TRABD: variants seen among roughly 807,000 people sequenced by gnomAD.
The protein encoded by TRABD is traB domain-containing protein.
In TRABD, 23 loss-of-function variants were observed where a neutral mutation model predicts 39.6. The ratio of observed to expected loss-of-function variants is 0.58; its 90% CI spans 0.42 to 0.82. The LOEUF (loss-of-function observed/expected upper bound fraction) is 0.82. Ranked by LOEUF, TRABD falls within the 40% of genes least tolerant of loss-of-function variation. TRABD has a pLI of 0.00. For missense variants in TRABD, 487 were observed against 544.9 expected, an observed-to-expected ratio of 0.89 and a Z score of 1.06; for synonymous variants, 243 against 232.1, an observed-to-expected ratio of 1.05 and a Z score of -0.43.
At position 50,199,424 on chromosome 22, in the gene TRABD, T is replaced by A; in HGVS notation, c.*905T>A. 3.1e-6 allele frequency: 1 copy of A among 323,234 alleles called. No homozygotes were observed. Among genetic ancestry groups the A allele is most frequent in the Non-Finnish European group, 5.7e-6 (1 of 174,792 alleles). The allele number at this position is 323,234 out of a possible 1,614,324, so 20.0% of individuals were successfully genotyped here. The stretch of plus-strand genomic sequence containing the variant: ...CTGTGTGCGGGGCCTCCCTCCTGGC[T>A]GTCCAGGACACAGCCCGTGCAGCCC... On this transcript the variant is annotated 3_prime_UTR_variant, in exon 10 of 10. Coordinates refer to ENST00000380909, the MANE Select transcript of TRABD (RefSeq NM_001320485.2).
In TRABD at chr22:50,197,971, C is replaced by G. The variant is rs1291463415; in HGVS notation, c.820C>G (p.Leu274Val). ...CATGCTGCGCCAGGCCGCGCGGCGCCTCGAGCTGCCTCGGGCCTCTGACGG... is the reference window on the plus strand; with the variant it reads ...CATGCTGCGCCAGGCCGCGCGGCGCGTCGAGCTGCCTCGGGCCTCTGACGG... ...TYMLRQAARR[L>V]ELPRASDAEP... The change falls in exon 8 of 10, where the codon CTC becomes GTC. Residue 274 changes from leucine (L) to valine (V), a missense_variant. By Grantham distance (32) the Leu-to-Val change is conservative (BLOSUM62 1). Coordinates refer to ENST00000380909, the MANE Select transcript of TRABD (RefSeq NM_001320485.2). The G allele has an allele frequency of 6.2e-7, 1 of 1,612,426 alleles. No homozygotes were observed. Among genetic ancestry groups the G allele is most frequent in the Non-Finnish European group, 8.5e-7 (1 of 1,179,758 alleles).
rs146656338 is a variant in TRABD at position 50,198,471 on chromosome 22, C to G, written c.1083C>G (p.Pro361=). The change falls in exon 10 of 10, where the codon CCC becomes CCG. Residue 361 remains proline, a synonymous_variant. Transcript: ENST00000380909. This position sits in a 1 kb window ranked among gnomAD's most constrained non-coding sequence, Gnocchi z 7.9. Reference sequence around the variant, plus strand: ...CCGCGAGCCTGGTCCTGTCGCTGCCCGCCGCGCAGTACTGCCTGCAGAGGG... The same window carrying G: ...CCGCGAGCCTGGTCCTGTCGCTGCCGGCCGCGCAGTACTGCCTGCAGAGGG... The part of the protein sequence containing the change: ...RRTASLVLSL[P]AAQYCLQRVT... The G allele has an allele frequency of 6.3e-7, 1 of 1,595,046 alleles. No homozygotes were observed. The highest frequency in any genetic ancestry group is 8.5e-7 in the Non-Finnish European group (1 of 1,176,570).
Position 50,198,388 on chromosome 22 carries a change from G to T in TRABD, c.1000G>T (p.Val334Leu), listed in dbSNP as rs772136497. 19 of 1,592,486 alleles carry T rather than the reference G, an allele frequency of 1.2e-5. No individual in the cohort carries two copies. Among genetic ancestry groups the T allele is most frequent in the Non-Finnish European group, 1.6e-5 (19 of 1,175,146 alleles). ...SVSGRVSRLA[V>L]KAAFFGLLGY... Reference sequence around the variant, plus strand: ...CTCCGGCAGAGTGTCTCGGTTGGCCGTGAAGGCCGCCTTCTTCGGCCTGCT... The same window carrying T: ...CTCCGGCAGAGTGTCTCGGTTGGCCTTGAAGGCCGCCTTCTTCGGCCTGCT... The change falls in exon 10 of 10, where the codon GTG becomes TTG. Residue 334 changes from valine to leucine, a missense_variant. Physicochemically the swap from Val to Leu is conservative, Grantham distance 32. Around this residue, in one of 3 missense-constraint regions of TRABD, gnomAD observed 123 missense variants for 108.3 expected, o/e 1.14. Transcript: ENST00000380909. The surrounding 1 kb of genome is among the most constrained non-coding windows in gnomAD (Gnocchi z 7.9).
rs1245067199 is a variant in TRABD, at chr22:50,198,939, G to A, written c.*420G>A. ...GTCGGCCCAGGGGCGGCTCCTGGGG[G>A]CTCCAGGGCAGGCGAGACTGGGAAA... is the stretch of plus-strand genomic sequence containing the variant. On this transcript the variant is annotated 3_prime_UTR_variant, in exon 10 of 10. Coordinates refer to ENST00000380909, the MANE Select transcript of TRABD (RefSeq NM_001320485.2). This position sits in a 1 kb window ranked among gnomAD's most constrained non-coding sequence, Gnocchi z 7.9. 4 of 595,200 alleles carry A rather than the reference G, an allele frequency of 6.7e-6. No individual in the cohort carries two copies. The highest frequency in any genetic ancestry group is 9.2e-6 in the Non-Finnish European group (3 of 326,586). 36.9% of individuals were successfully genotyped at this position (595,200 alleles called of 1,614,324 possible).
intron 1 of TRABD, among the ~76,000 whole-genome samples, chr22:50,189,954 C>T (rs888209534): frequency 5.3e-5 from 8 of 152,168 alleles, no homozygotes; most frequent in African/African-American, 1.2e-4. Context: ...TTTTGCTCAC[C>T]GCCAGGCAGC....
chr22:50,194,811 C>T (rs1304404068), intron 4 of TRABD, 89 bp from the exon 5 acceptor site: 31 of 1,537,210 alleles, frequency 2.0e-5, no homozygotes, highest in South Asian at 2.5e-5. Context: ...GCTGGCTGCT[C>T]CTGGGATGGG....
chr22:50,191,499 C>A (rs1037139634), intron 1 of TRABD, among the ~76,000 whole-genome samples: 2 of 152,200 alleles, frequency 1.3e-5, no homozygotes, highest in African/African-American at 4.8e-5. Context: ...GACATAGCGT[C>A]TTATTGCTCA....
chr22:50,186,195 G>A (rs1207089282), intron 1 of TRABD, among the ~76,000 whole-genome samples: 1 of 146,826 alleles, frequency 6.8e-6, no homozygotes, highest in Non-Finnish European at 1.5e-5. Flanking sequence ...TTCAGGTTTT[G>A]GGGCCGGGGG....
At chr22:50,197,190 C>CGCGGGGG in intron 5 of TRABD, 51 bp from the exon 6 acceptor site, 2 of 1,549,322 alleles carry the variant, frequency 1.3e-6, no homozygotes, top group African/African-American at 1.4e-5. Context: ...ATTCCCCCAG[C>CGCGGGGG]GCACCCCCGC....
chr22:50,189,225 G>C (rs1003963812), intron 1 of TRABD, among the ~76,000 whole-genome samples: 1 of 152,102 alleles, frequency 6.6e-6, no homozygotes, highest in Non-Finnish European at 1.5e-5. Flanking sequence ...AGCCCAGAGA[G>C]GGCCTCCTGT....
rs770385224 is a variant in TRABD, at chr22:50,198,180, T to A, written c.950T>A (p.Ile317Asn). 1 of 1,609,460 alleles carries A rather than the reference T, an allele frequency of 6.2e-7. No individual in the cohort carries two copies. Among genetic ancestry groups the A allele is most frequent in the Non-Finnish European group, 8.5e-7 (1 of 1,178,418 alleles). ...AGCACCGACCTCAACATCCAGGAGA[T>A]CATGACGTGAGTGCCCGCCCCTCCC... ...NWSTDLNIQE[I>N]MTVPPPSVSG... Residue 317 changes from isoleucine to asparagine, a missense_variant, in exon 9 of 10, where the codon ATC becomes AAC. Coordinates refer to ENST00000380909, the MANE Select transcript of TRABD (RefSeq NM_001320485.2). The surrounding 1 kb of genome is among the most constrained non-coding windows in gnomAD (Gnocchi z 7.9).
Position 50,198,287 on chromosome 22 carries a change from G to T in TRABD, c.957-58G>T. On this transcript the variant is annotated intron_variant, in intron 9 of 9. Transcript: ENST00000380909. This position sits in a 1 kb window ranked among gnomAD's most constrained non-coding sequence, Gnocchi z 7.9. ...ACATGCGGCAGTGACCCAGGCATGG[G>T]GGCTGGGGTATGGGGAGCCCACCCC... 3 of 1,514,308 alleles carry T rather than the reference G, an allele frequency of 2.0e-6. No individual in the cohort carries two copies. The African/African-American group carries it at 4.1e-5, about 21-fold the overall frequency. 93.8% of individuals were successfully genotyped at this position (1,514,308 alleles called of 1,614,324 possible).
chr22:50,197,212 C>T (rs762299398), intron 5 of TRABD, 29 bp from the exon 6 acceptor site: 3 of 1,606,298 alleles, frequency 1.9e-6, no homozygotes, highest in Non-Finnish European at 2.6e-6. Flanking sequence ...CCCGCCCCTC[C>T]AGCTGATGCC....
In TRABD at chr22:50,197,605, G is replaced by A; in HGVS notation, c.671+17G>A. 6.2e-7 allele frequency: 1 copy of A among 1,611,246 alleles called. No individual in the cohort carries two copies. Among genetic ancestry groups the A allele is most frequent in the Non-Finnish European group, 8.5e-7 (1 of 1,178,868 alleles). On this transcript the variant is annotated intron_variant, in intron 7 of 9. Coordinates refer to ENST00000380909, the MANE Select transcript of TRABD (RefSeq NM_001320485.2). Reference sequence around the variant, plus strand: ...CCCCATCAGGTAGGGCTGCCCCCGGGACCCTGGCCGGCCTGCAGGGTGGTC... The same window carrying A: ...CCCCATCAGGTAGGGCTGCCCCCGGAACCCTGGCCGGCCTGCAGGGTGGTC...
chr22:50,186,431 G>A (rs996032429), intron 1 of TRABD, among the ~76,000 whole-genome samples: 1 of 152,132 alleles, frequency 6.6e-6, no homozygotes, highest in Non-Finnish European at 1.5e-5. Flanking sequence ...ACCGCTGCCG[G>A]GAGCGGCGCT....
At chr22:50,192,443 G>A (rs1191672975) in intron 1 of TRABD, 3 of 152,410 alleles carry the variant, frequency 2.0e-5, no homozygotes, top group Non-Finnish European at 2.9e-5. Flanking sequence ...AGCCTGTCCG[G>A]GTTTCTACCG....
At chr22:50,186,702 G>A (rs2063769163) in intron 1 of TRABD, among the ~76,000 whole-genome samples, 1 of 152,248 alleles carries the variant, frequency 6.6e-6, no homozygotes, top group African/African-American at 2.4e-5. Flanking sequence ...TGAAACCTGG[G>A]GCTTCGCTCT....
intron 1 of TRABD, among the ~76,000 whole-genome samples, chr22:50,190,271 G>C (rs572225547): frequency 6.6e-6 from 1 of 152,206 alleles, no homozygotes; most frequent in Non-Finnish European, 1.5e-5. Context: ...CGCTGACATC[G>C]TCCTGCTCAA....
intron 7 of TRABD, 58 bp from the exon 8 acceptor site, chr22:50,197,765 C>CCCCCCCCCCCCCCCCCGTG: frequency 2.7e-6 from 2 of 754,054 alleles, no homozygotes. Context: ...ACAGTGCCAG[C>CCCCCCCCCCCCCCCCCGTG]CCCACCCCCC....
Sources: gnomAD v4.1 joint callset for allele counts (sites outside exome capture counted in the v4.1 genomes callset) on GRCh38, gnomAD v4.1.1 for gene constraint, gnomAD v4.1.1 regional missense constraint, Gnocchi (gnomAD v3.1) non-coding constraint, MANE v1.5 for transcripts, NCBI Gene and HGNC (gene_info 2026-07-23, HGNC 2026-07-21) for gene names.